The following ROBO1 variants were observed in gnomAD, a reference collection of about 807,000 sequenced individuals.
ROBO1 encodes roundabout guidance receptor 1.
Under a neutral mutation model 195.9 loss-of-function variants are expected in ROBO1, and 149 were observed. That is an observed-to-expected ratio of 0.76 (90% CI 0.67 to 0.87). The LOEUF (loss-of-function observed/expected upper bound fraction) is 0.87, where lower values mean the gene tolerates loss of function less well. ROBO1 is among the 40% of genes least tolerant of loss of function. The probability of loss-of-function intolerance (pLI) is 0.00; values close to 1 mark genes in which losing one functional copy is unlikely to be tolerated. For missense variants in ROBO1, 1,933 were observed against 2,068.3 expected, an observed-to-expected ratio of 0.93 and a Z score of 1.27; for synonymous variants, 816 against 733.2, an observed-to-expected ratio of 1.11 and a Z score of -1.82.
chr3:79,178,957 G>A (rs1283923265), intron 2 of ROBO1, among the ~76,000 whole-genome samples: 1 of 152,094 alleles, frequency 6.6e-6, no homozygotes, highest in Non-Finnish European at 1.5e-5. Flanking sequence ...ATGCATATTA[G>A]GACCTGAATT....
intron 3 of ROBO1, among the ~76,000 whole-genome samples, chr3:79,094,186 G>A (rs955801942): frequency 1.3e-5 from 2 of 152,088 alleles, no homozygotes; most frequent in African/African-American, 4.8e-5. Flanking sequence ...AAAGAGTTAT[G>A]GGAGTTGCTT....
At chr3:79,198,601 A>G (rs762550300) in intron 2 of ROBO1, among the ~76,000 whole-genome samples, 5 of 151,942 alleles carry the variant, frequency 3.3e-5, no homozygotes, top group Non-Finnish European at 5.9e-5. Context: ...TCATGGGGAT[A>G]GCATTGAATC....
At chr3:79,651,332 G>A (rs1946000280) in intron 1 of ROBO1, among the ~76,000 whole-genome samples, 1 of 151,960 alleles carries the variant, frequency 6.6e-6, no homozygotes, top group African/African-American at 2.4e-5. Flanking sequence ...AAACAAAGAT[G>A]GTGGGTGTAT....
intron 1 of ROBO1, among the ~76,000 whole-genome samples, chr3:79,753,944 C>A (rs1704252713): frequency 6.6e-6 from 1 of 152,070 alleles, no homozygotes; most frequent in Admixed American, 6.6e-5. Context: ...TTAGAGCTGT[C>A]CAAATCTACC....
intron 4 of ROBO1, among the ~76,000 whole-genome samples, chr3:78,892,137 A>G (rs1576355848): frequency 6.6e-6 from 1 of 152,334 alleles, no homozygotes; most frequent in South Asian, 2.1e-4. Flanking sequence ...AGGCAGGCAG[A>G]TCGCTTGAGC....
intron 2 of ROBO1, among the ~76,000 whole-genome samples, chr3:79,499,876 G>T (rs1450014182): frequency 6.6e-6 from 1 of 151,988 alleles, no homozygotes; most frequent in Admixed American, 6.5e-5. Context: ...GCGCAATCTT[G>T]GCTCTCTGCA....
intron 3 of ROBO1, among the ~76,000 whole-genome samples, chr3:79,095,880 AT>A (rs903261998): frequency 1.3e-4 from 20 of 151,890 alleles, no homozygotes; most frequent in Admixed American, 5.9e-4. Flanking sequence ...GATGTGCCTC[AT>A]TTTTTTAAAT....
chr3:78,733,852 G>A (rs1389814632), intron 5 of ROBO1, among the ~76,000 whole-genome samples: 1 of 152,136 alleles, frequency 6.6e-6, no homozygotes, highest in Non-Finnish European at 1.5e-5. Context: ...AACTCTAGCT[G>A]CTTGTGTAAG....
intron 4 of ROBO1, among the ~76,000 whole-genome samples, chr3:78,764,075 G>A (rs187571349): frequency 1.9e-4 from 29 of 152,110 alleles, no homozygotes; most frequent in African/African-American, 3.6e-4. Flanking sequence ...AAAAGCAAAC[G>A]AAAATTTTAA....
At chr3:78,792,433 A>C (rs333508) in intron 4 of ROBO1, among the ~76,000 whole-genome samples, 8,843 of 152,302 alleles carry the variant, frequency 0.058, 318 homozygotes, top group Middle Eastern at 0.11. Context: ...CTGAAGTAGC[A>C]GAATTGGGTA....
At chr3:79,183,523 C>T (rs1441234352) in intron 2 of ROBO1, among the ~76,000 whole-genome samples, 1 of 152,182 alleles carries the variant, frequency 6.6e-6, no homozygotes, top group African/African-American at 2.4e-5. Flanking sequence ...TAAAAGCCCA[C>T]ATGGGTAAGG....
chr3:79,656,141 G>A (rs147542987), intron 1 of ROBO1, among the ~76,000 whole-genome samples: 106 of 152,056 alleles, frequency 7.0e-4, no homozygotes, highest in African/African-American at 2.5e-3. Context: ...ATGTAGTTAA[G>A]GATTGCAAAG....
chr3:79,471,958 A>T (rs1401718276), intron 2 of ROBO1, among the ~76,000 whole-genome samples: 1 of 152,054 alleles, frequency 6.6e-6, no homozygotes, highest in Non-Finnish European at 1.5e-5. Flanking sequence ...TAGGGGAGGG[A>T]TAACATTAGG....
intron 1 of ROBO1, among the ~76,000 whole-genome samples, chr3:79,694,453 G>T (rs896229653): frequency 6.6e-6 from 1 of 151,704 alleles, no homozygotes; most frequent in African/African-American, 2.4e-5. Context: ...CCAACTCTGG[G>T]CTATCTCCAC....
intron 2 of ROBO1, among the ~76,000 whole-genome samples, chr3:79,216,492 G>C (rs1188480203): frequency 6.6e-6 from 1 of 152,022 alleles, no homozygotes; most frequent in Non-Finnish European, 1.5e-5. Context: ...CTTTACTATA[G>C]GACTATTGAT....
At chr3:79,728,075 C>T (rs12494638) in intron 1 of ROBO1, among the ~76,000 whole-genome samples, 44,613 of 151,786 alleles carry the variant, frequency 0.29, 7,900 homozygotes, top group East Asian at 0.57. Context: ...AGAAGGCACA[C>T]GACTGCGTGT....
intron 4 of ROBO1, among the ~76,000 whole-genome samples, chr3:78,895,223 A>G (rs1170116617): frequency 1.3e-5 from 2 of 152,312 alleles, no homozygotes; most frequent in East Asian, 3.9e-4. Flanking sequence ...AGGGTTACAA[A>G]TATCCAGGCT....
Position 78,631,154 on chromosome 3 carries a change from C to T in ROBO1, c.3626+7G>A, listed in dbSNP as rs756473920. ...ACTGTTTACATCTGTTTGGATGCTC[C>T]TCTTACCTTTCATCTACAGAAATGT... is the stretch of plus-strand genomic sequence containing the variant. On this transcript the variant is annotated splice_region_variant and intron_variant, in intron 25 of 30. Coordinates refer to ENST00000464233, the MANE Select transcript of ROBO1 (RefSeq NM_002941.4). The T allele has an allele frequency of 1.2e-6, 2 of 1,608,174 alleles. No homozygotes were observed. Among genetic ancestry groups the T allele is most frequent in the Non-Finnish European group, 8.5e-7 (1 of 1,176,978 alleles).
chr3:79,597,960 C>T (rs1281445802), intron 1 of ROBO1, among the ~76,000 whole-genome samples: 5 of 151,886 alleles, frequency 3.3e-5, no homozygotes, highest in Non-Finnish European at 7.4e-5. Context: ...GAATCACGGC[C>T]GTTTTGTTTG....
Sources: gnomAD v4.1 joint callset for allele counts (sites outside exome capture counted in the v4.1 genomes callset) on GRCh38, gnomAD v4.1.1 for gene constraint, MANE v1.5 for transcripts, NCBI Gene and HGNC (gene_info 2026-07-23, HGNC 2026-07-21) for gene names.